The following RIMS2 variants were observed in gnomAD, a reference collection of about 807,000 sequenced individuals.
The protein encoded by RIMS2 is regulating synaptic membrane exocytosis 2.
A neutral mutation model predicts 174.4 loss-of-function variants in RIMS2; 59 were observed. That is an observed-to-expected ratio of 0.34 (90% CI 0.27 to 0.42). RIMS2 has a LOEUF of 0.42. RIMS2 is among the 10% of genes least tolerant of loss of function. The probability of loss-of-function intolerance (pLI) is 1.00; values close to 1 mark genes in which losing one functional copy is unlikely to be tolerated. For missense variants in RIMS2, 1,620 were observed against 1,666.3 expected (o/e 0.97, Z 0.48); for synonymous variants, 606 against 572.5 (o/e 1.06, Z -0.84).
At chr8:104,118,930 A>G (rs2098327959) in intron 19 of RIMS2, among the ~76,000 whole-genome samples, 1 of 151,992 alleles carries the variant, frequency 6.6e-6, no homozygotes, top group Non-Finnish European at 1.5e-5. Context: ...TGAGGGCTCC[A>G]CCCTTATGAC....
At chr8:103,922,697 G>A in intron 10 of RIMS2, 1 of 356,450 alleles carries the variant, frequency 2.8e-6, no homozygotes. Context: ...AAAAAAGATA[G>A]CTTTTTGTTA....
At chr8:104,178,770 C>G (rs371098724) in intron 19 of RIMS2, among the ~76,000 whole-genome samples, 1 of 151,512 alleles carries the variant, frequency 6.6e-6, no homozygotes, top group Non-Finnish European at 1.5e-5. Context: ...TTTTCTACTA[C>G]GCTTCAGGGA....
intron 1 of RIMS2, among the ~76,000 whole-genome samples, chr8:103,651,235 A>T (rs569769787): frequency 6.6e-6 from 1 of 152,184 alleles, no homozygotes; most frequent in Admixed American, 6.5e-5. Flanking sequence ...CAGGTGGGCT[A>T]TCGCCCTACC....
At chr8:103,672,391 T>G (rs2096755680) in intron 1 of RIMS2, among the ~76,000 whole-genome samples, 1 of 152,110 alleles carries the variant, frequency 6.6e-6, no homozygotes, top group South Asian at 2.1e-4. Flanking sequence ...AGGTAATTTA[T>G]AAACAAAATA....
intron 15 of RIMS2, among the ~76,000 whole-genome samples, chr8:103,968,386 T>C (rs773146614): frequency 5.9e-5 from 9 of 152,158 alleles, no homozygotes; most frequent in Admixed American, 3.9e-4. Flanking sequence ...CCCTTATTCA[T>C]TGTTTATTTT....
rs759652163 is a variant in RIMS2, at chr8:103,694,311, A to C, written c.177-2775A>C. ...ACTGAGCTGGTCTGAAACCTGAAGG[A>C]AGCCTGGAGGCTAGGGCTACAGGGG... On this transcript the variant is annotated intron_variant, in intron 1 of 23. Transcript: ENST00000504942. Among the ~76,000 whole-genome samples the C allele has an allele frequency of 2.6e-5, 4 of 152,076 alleles. No individual in the cohort carries two copies. The South Asian group carries it at 8.3e-4, about 32-fold the overall frequency.
chr8:103,898,825 G>T (rs1490613126), intron 4 of RIMS2, among the ~76,000 whole-genome samples: 6 of 151,134 alleles, frequency 4.0e-5, no homozygotes, highest in Admixed American at 6.6e-5. Context: ...CTGCACCCAT[G>T]AACTCGTCAT....
chr8:103,656,247 T>A (rs1020233915), intron 1 of RIMS2, among the ~76,000 whole-genome samples: 2 of 152,090 alleles, frequency 1.3e-5, no homozygotes, highest in Non-Finnish European at 2.9e-5. Context: ...AGGAGAAGAT[T>A]AACAGGTTGG....
At chr8:103,676,580 CT>C (rs35474500) in intron 1 of RIMS2, among the ~76,000 whole-genome samples, 26,554 of 148,146 alleles carry the variant, frequency 0.18, 2,492 homozygotes, top group African/African-American at 0.24. Context: ...CTTTTAAAGT[CT>C]TTTTTTTTTT....
intron 1 of RIMS2, among the ~76,000 whole-genome samples, chr8:103,556,091 TTAGA>T (rs1437845805): frequency 6.6e-6 from 1 of 152,090 alleles, no homozygotes; most frequent in Admixed American, 6.6e-5. Context: ...AAAATTTCAG[TTAGA>T]TAGAATGAAT....
intron 1 of RIMS2, among the ~76,000 whole-genome samples, chr8:103,523,225 A>T (rs545800226): frequency 6.6e-6 from 1 of 152,214 alleles, no homozygotes; most frequent in South Asian, 2.1e-4. Flanking sequence ...AGTCTTCAGT[A>T]TCCATTCTGT....
intron 3 of RIMS2, among the ~76,000 whole-genome samples, chr8:103,848,610 G>T (rs2098980442): frequency 6.6e-6 from 1 of 151,964 alleles, no homozygotes; most frequent in Admixed American, 6.6e-5. Flanking sequence ...CTGACTACAT[G>T]ACCTGAATGG....
intron 17 of RIMS2, among the ~76,000 whole-genome samples, chr8:103,993,804 A>T (rs1022312319): frequency 6.6e-6 from 1 of 152,110 alleles, no homozygotes; most frequent in East Asian, 1.9e-4. Flanking sequence ...AAGCAGGCAC[A>T]TCACTTGAGC....
intron 1 of RIMS2, among the ~76,000 whole-genome samples, chr8:103,507,813 A>G (rs1824416325): frequency 1.3e-5 from 2 of 152,074 alleles, no homozygotes; most frequent in Admixed American, 6.5e-5. Context: ...GAATTGATAC[A>G]TTTCCATTGT....
intron 1 of RIMS2, among the ~76,000 whole-genome samples, chr8:103,630,663 C>A (rs2095894707): frequency 6.6e-6 from 1 of 150,430 alleles, no homozygotes; most frequent in Non-Finnish European, 1.5e-5. Flanking sequence ...TGATAAGTCA[C>A]ACACACACAA....
At chr8:104,074,679 G>A (rs150611861) in intron 19 of RIMS2, among the ~76,000 whole-genome samples, 2 of 152,078 alleles carry the variant, frequency 1.3e-5, no homozygotes, top group African/African-American at 2.4e-5. Flanking sequence ...AATCTTAAGG[G>A]GATATGAAGA....
chr8:103,776,791 C>A (rs182097130), intron 3 of RIMS2, among the ~76,000 whole-genome samples: 1 of 152,106 alleles, frequency 6.6e-6, no homozygotes, highest in Admixed American at 6.6e-5. Flanking sequence ...GAAAACCCAA[C>A]GATGACAAAG....
intron 3 of RIMS2, chr8:103,768,426 T>C (rs2098205900): frequency 2.6e-6 from 2 of 758,678 alleles, no homozygotes; most frequent in South Asian, 1.4e-5. Flanking sequence ...AAGGGTTATG[T>C]GGTCCTAATC....
chr8:104,024,980 A>G (rs2096214956), intron 19 of RIMS2, among the ~76,000 whole-genome samples: 1 of 152,152 alleles, frequency 6.6e-6, no homozygotes, highest in Admixed American at 6.6e-5. Flanking sequence ...CACTATCCCA[A>G]GCTATTGTCA....
Sources: gnomAD v4.1 joint callset for allele counts (sites outside exome capture counted in the v4.1 genomes callset) on GRCh38, gnomAD v4.1.1 for gene constraint, MANE v1.5 for transcripts, NCBI Gene and HGNC (gene_info 2026-07-23, HGNC 2026-07-21) for gene names.